The following PPP1R9A variants were observed in gnomAD, a reference collection of about 807,000 sequenced individuals.
The protein encoded by PPP1R9A is protein phosphatase 1 regulatory subunit 9A.
PPP1R9A carries 59 observed loss-of-function variants against 141.9 expected under a neutral mutation model. That is an observed-to-expected ratio of 0.42 (90% CI 0.34 to 0.52). PPP1R9A has a LOEUF of 0.52. PPP1R9A is among the 20% of genes least tolerant of loss of function. PPP1R9A has a pLI of 0.10. For missense variants in PPP1R9A, 1,444 were observed against 1,611.9 expected (o/e 0.90, Z 1.78); for synonymous variants, 500 against 569.7 (o/e 0.88, Z 1.74).
intron 7 of PPP1R9A, among the ~76,000 whole-genome samples, chr7:95,223,366 T>C (rs1201866643): frequency 2.6e-5 from 4 of 152,022 alleles, no homozygotes; most frequent in East Asian, 3.9e-4. Context: ...GAATTGCATA[T>C]GTTATGCATA....
chr7:94,919,650 C>G (rs2150698203), intron 2 of PPP1R9A, among the ~76,000 whole-genome samples: 1 of 152,134 alleles, frequency 6.6e-6, no homozygotes, highest in Non-Finnish European at 1.5e-5. Context: ...AAAATTTTTT[C>G]TCATCCTTCA....
At chr7:95,095,726 G>A (rs1226638545) in intron 2 of PPP1R9A, among the ~76,000 whole-genome samples, 1 of 152,120 alleles carries the variant, frequency 6.6e-6, no homozygotes, top group Non-Finnish European at 1.5e-5. Flanking sequence ...TTTTAACATG[G>A]ATCACAGCTG....
At chr7:94,973,948 C>T (rs2151256539) in intron 2 of PPP1R9A, among the ~76,000 whole-genome samples, 1 of 152,198 alleles carries the variant, frequency 6.6e-6, no homozygotes, top group Non-Finnish European at 1.5e-5. Flanking sequence ...GACTACTGAG[C>T]TCAAGCAATC....
At chr7:95,016,511 A>C (rs867138884) in intron 2 of PPP1R9A, among the ~76,000 whole-genome samples, 5 of 152,148 alleles carry the variant, frequency 3.3e-5, no homozygotes, top group Non-Finnish European at 7.4e-5. Flanking sequence ...AGGATAATAC[A>C]TGCCTAAGTA....
intron 2 of PPP1R9A, among the ~76,000 whole-genome samples, chr7:95,054,061 A>T (rs140243440): frequency 6.6e-6 from 1 of 151,946 alleles, no homozygotes; most frequent in African/African-American, 2.4e-5. Flanking sequence ...GAATAGATAC[A>T]TTGATAATAT....
chr7:95,230,981 C>T (rs1563463908), intron 8 of PPP1R9A, among the ~76,000 whole-genome samples: 2 of 152,228 alleles, frequency 1.3e-5, no homozygotes, highest in South Asian at 4.1e-4. Context: ...GATAAGAATT[C>T]ACCAATCAAG....
At chr7:94,924,570 C>T (rs192326333) in intron 2 of PPP1R9A, among the ~76,000 whole-genome samples, 367 of 152,272 alleles carry the variant, frequency 2.4e-3, no homozygotes, top group Non-Finnish European at 4.4e-3. Context: ...GCTCTGTTGC[C>T]CAGGCTGGAG....
chr7:95,001,413 T>C (rs1466420182), intron 2 of PPP1R9A, among the ~76,000 whole-genome samples: 1 of 152,178 alleles, frequency 6.6e-6, no homozygotes, highest in African/African-American at 2.4e-5. Context: ...AAGCGTACAA[T>C]TATATATAAA....
chr7:94,972,190 A>C (rs1044724372), intron 2 of PPP1R9A, among the ~76,000 whole-genome samples: 6 of 152,166 alleles, frequency 3.9e-5, no homozygotes, highest in African/African-American at 1.4e-4. Context: ...ATTGTACTGT[A>C]CTTATTACTG....
chr7:95,290,431 A>C lies in PPP1R9A; in HGVS notation c.*128A>C. Reference sequence around the variant, plus strand: ...TAATGCGGCTCTAGGCCGGCTGAGGAACTGTGTGTTGAATAACTGCATTTT... The same window carrying C: ...TAATGCGGCTCTAGGCCGGCTGAGGCACTGTGTGTTGAATAACTGCATTTT... On this transcript the variant is annotated 3_prime_UTR_variant, in exon 20 of 20. Coordinates refer to ENST00000433360, the MANE Select transcript of PPP1R9A (RefSeq NM_001166160.2). 1 of 1,080,746 alleles carries C rather than the reference A, an allele frequency of 9.3e-7. No individual in the cohort carries two copies. The highest frequency in any genetic ancestry group is 1.3e-6 in the Non-Finnish European group (1 of 768,936). The allele number at this position is 1,080,746 out of a possible 1,614,324, so 66.9% of individuals were successfully genotyped here. A position where few individuals can be genotyped will look rare whatever the true frequency, so the allele number is the denominator to read the frequency against.
At chr7:94,962,060 G>C (rs1188958627) in intron 2 of PPP1R9A, among the ~76,000 whole-genome samples, 4 of 151,886 alleles carry the variant, frequency 2.6e-5, no homozygotes, top group Admixed American at 2.6e-4. Context: ...TAATCCCCTA[G>C]TCTTAATTTA....
In PPP1R9A at chr7:95,292,801, GA is replaced by G. The variant is rs1806550864; in HGVS notation, c.*2499del. On this transcript the variant is annotated 3_prime_UTR_variant, in exon 20 of 20. Transcript: ENST00000433360. ...CCCCACAAAGCATAAGATGTAAACT[GA>G]TTAAGGGTATGAAAGCAAAGTGAAA... 6.6e-6 allele frequency: 1 copy of G among 152,168 alleles called. No homozygotes were observed. The highest frequency in any genetic ancestry group is 1.5e-5 in the Non-Finnish European group (1 of 68,038). The allele number at this position is 152,168 out of a possible 1,614,324, so 9.4% of individuals were successfully genotyped here. A position where few individuals can be genotyped will look rare whatever the true frequency, so the allele number is the denominator to read the frequency against.
rs141021820 is a variant in PPP1R9A at position 94,948,876 on chromosome 7, T to G, written c.1395+37368T>G. Reference sequence around the variant, plus strand: ...AGAGAAAGGCTAAGTACTCCAATTATTATTATTCATTTTGTGTCAAGGGTA... The same window carrying G: ...AGAGAAAGGCTAAGTACTCCAATTAGTATTATTCATTTTGTGTCAAGGGTA... On this transcript the variant is annotated intron_variant, in intron 2 of 19. Transcript: ENST00000433360. Among the ~76,000 whole-genome samples, 38 of 152,214 alleles carry G rather than the reference T, an allele frequency of 2.5e-4. No individual in the cohort carries two copies. The East Asian group carries it at 5.8e-3, about 23-fold the overall frequency.
intron 12 of PPP1R9A, among the ~76,000 whole-genome samples, chr7:95,257,273 G>C (rs1194861551): frequency 6.6e-6 from 1 of 152,090 alleles, no homozygotes; most frequent in Non-Finnish European, 1.5e-5. Context: ...AGAATACAGA[G>C]TCCAGAAGCA....
intron 2 of PPP1R9A, among the ~76,000 whole-genome samples, chr7:94,957,805 G>A (rs1477880465): frequency 6.6e-6 from 1 of 151,964 alleles, no homozygotes; most frequent in Admixed American, 6.6e-5. Context: ...TTGTAGGAAC[G>A]ACAGGAATAG....
rs541020030 is a variant in PPP1R9A at position 95,132,246 on chromosome 7, C to T, written c.1649+11414C>T. Among the ~76,000 whole-genome samples, 3 of 152,262 alleles carry T rather than the reference C, an allele frequency of 2.0e-5. No individual in the cohort carries two copies. The South Asian group carries it at 6.2e-4, about 32-fold the overall frequency. ...GTTGAATAGGAGTAATGAGAGTGGG[C>T]ACCCTTATCTTGTTCCAGTTTTTAA... On this transcript the variant is annotated intron_variant, in intron 4 of 19. Transcript: ENST00000433360.
intron 6 of PPP1R9A, among the ~76,000 whole-genome samples, chr7:95,200,837 G>A (rs1422813619): frequency 3.3e-5 from 5 of 152,166 alleles, no homozygotes; most frequent in Admixed American, 2.6e-4. Flanking sequence ...AATGCAGCCA[G>A]AAGAGATTTT....
chr7:95,007,322 T>C (rs1803760604), intron 2 of PPP1R9A, among the ~76,000 whole-genome samples: 1 of 152,174 alleles, frequency 6.6e-6, no homozygotes, highest in South Asian at 2.1e-4. Flanking sequence ...CATTGTAGGA[T>C]GTTTAGCAGC....
intron 5 of PPP1R9A, among the ~76,000 whole-genome samples, chr7:95,178,649 AAGAG>A (rs1302191094): frequency 2.0e-5 from 3 of 152,170 alleles, no homozygotes; most frequent in Non-Finnish European, 2.9e-5. Flanking sequence ...CCAAGAAAAG[AAGAG>A]AGAAAATCCA....
Sources: gnomAD v4.1 joint callset for allele counts (sites outside exome capture counted in the v4.1 genomes callset) on GRCh38, gnomAD v4.1.1 for gene constraint, MANE v1.5 for transcripts, NCBI Gene and HGNC (gene_info 2026-07-23, HGNC 2026-07-21) for gene names.